HIBADH: variants seen among roughly 807,000 people sequenced by gnomAD.
HIBADH encodes the protein 3-hydroxyisobutyrate dehydrogenase, mitochondrial.
HIBADH carries 25 observed loss-of-function variants against 36.1 expected under a neutral mutation model. That is an observed-to-expected ratio of 0.69 (90% confidence interval 0.50 to 0.97). The LOEUF (loss-of-function observed/expected upper bound fraction) is 0.97. Among genes scored for constraint, HIBADH ranks in the 50% least tolerant of loss-of-function variants. The pLI is 0.00. For synonymous variants in HIBADH, 160 were observed against 149.5 expected, an observed-to-expected ratio of 1.07 and a Z score of -0.51; for missense variants, 421 against 418.0, an observed-to-expected ratio of 1.01 and a Z score of -0.06.
chr7:27,579,682 G>A (rs577839445), intron 4 of HIBADH, among the ~76,000 whole-genome samples: 1 of 152,314 alleles, frequency 6.6e-6, no homozygotes, highest in East Asian at 1.9e-4. Context: ...TAGTGGCTCT[G>A]AGTTTGCCCT....
Position 27,649,519 on chromosome 7 carries a change from T to A in HIBADH, c.206A>T (p.Asp69Val), listed in dbSNP as rs753791843. 1 of 1,613,936 alleles carries A rather than the reference T, an allele frequency of 6.2e-7. No homozygotes were observed. Among genetic ancestry groups the A allele is most frequent in the East Asian group, 2.2e-5 (1 of 44,866 alleles). ...CTCTTTGCAGGCATCAGGGAACACATCATAAATAATAAGTGGATAGCCATG... is the reference window on the plus strand; with the variant it reads ...CTCTTTGCAGGCATCAGGGAACACAACATAAATAATAAGTGGATAGCCATG... ...MKHGYPLIIYDVFPDACKEFQ... is the reference protein window; with the variant it reads ...MKHGYPLIIYVVFPDACKEFQ... Residue 69 changes from aspartate to valine, a missense_variant, in exon 2 of 8, where the codon GAT becomes GTT. Physicochemically the swap from Asp to Val is radical, Grantham distance 152. Coordinates refer to ENST00000265395, the MANE Select transcript of HIBADH (RefSeq NM_152740.4).
intron 1 of HIBADH, among the ~76,000 whole-genome samples, chr7:27,657,570 C>A (rs1425155090): frequency 6.6e-6 from 1 of 151,960 alleles, no homozygotes; most frequent in African/African-American, 2.4e-5. Context: ...AAGTTAAGAA[C>A]AATGAGGCCA....
At chr7:27,654,672 ATGGATATG>A (rs1430729423) in intron 1 of HIBADH, among the ~76,000 whole-genome samples, 2 of 145,524 alleles carry the variant, frequency 1.4e-5, no homozygotes, top group Non-Finnish European at 3.0e-5. Context: ...GGGTATGATG[ATGGATATG>A]TTTACCATTT....
At chr7:27,634,975 C>A (rs1785811673) in intron 2 of HIBADH, among the ~76,000 whole-genome samples, 2 of 152,188 alleles carry the variant, frequency 1.3e-5, no homozygotes, top group South Asian at 4.1e-4. Context: ...AGCTCACAGG[C>A]CCGGAAGAAA....
chr7:27,621,633 A>C (rs1246367990), intron 4 of HIBADH, among the ~76,000 whole-genome samples: 1 of 152,008 alleles, frequency 6.6e-6, no homozygotes, highest in African/African-American at 2.4e-5. Context: ...CTTTACTAAA[A>C]ATACAAAAAT....
chr7:27,651,704 T>C (rs1786198840), intron 1 of HIBADH, among the ~76,000 whole-genome samples: 1 of 152,166 alleles, frequency 6.6e-6, no homozygotes. Context: ...ATTCACAAAT[T>C]CAACAAACAC....
chr7:27,549,660 T>C (rs1337233430), intron 4 of HIBADH, among the ~76,000 whole-genome samples: 1 of 152,200 alleles, frequency 6.6e-6, no homozygotes, highest in Non-Finnish European at 1.5e-5. Flanking sequence ...AGTGACCTTT[T>C]TTCCCAAGAT....
At chr7:27,550,715 T>C (rs1784306206) in intron 4 of HIBADH, among the ~76,000 whole-genome samples, 1 of 152,186 alleles carries the variant, frequency 6.6e-6, no homozygotes, top group Non-Finnish European at 1.5e-5. Context: ...ACTACTCTAA[T>C]CAATGATTTT....
At chr7:27,574,603 C>T (rs1330296734) in intron 4 of HIBADH, among the ~76,000 whole-genome samples, 1 of 152,072 alleles carries the variant, frequency 6.6e-6, no homozygotes, top group Admixed American at 6.6e-5. Context: ...TTTATTATTG[C>T]TGCTCTAATA....
At chr7:27,614,096 T>C (rs2128292378) in intron 4 of HIBADH, among the ~76,000 whole-genome samples, 1 of 152,344 alleles carries the variant, frequency 6.6e-6, no homozygotes, top group East Asian at 1.9e-4. Context: ...ATTAAACTGG[T>C]AATGAGGAGT....
At chr7:27,602,644 G>C (rs1785149969) in intron 4 of HIBADH, among the ~76,000 whole-genome samples, 2 of 152,012 alleles carry the variant, frequency 1.3e-5, no homozygotes, top group African/African-American at 2.4e-5. Context: ...ACTTAAAACT[G>C]GGTATCTTCA....
chr7:27,613,382 CAGAT>C (rs1448630149), intron 4 of HIBADH, among the ~76,000 whole-genome samples: 2 of 145,452 alleles, frequency 1.4e-5, no homozygotes, highest in Non-Finnish European at 3.0e-5. Context: ...GATAGATAGA[CAGAT>C]AAAGCACAAC....
At chr7:27,530,957 TAC>T (rs530391725) in intron 7 of HIBADH, among the ~76,000 whole-genome samples, 230 of 151,320 alleles carry the variant, frequency 1.5e-3, no homozygotes, top group Non-Finnish European at 1.6e-3. Context: ...CGCACACACA[TAC>T]ACACACACAC....
intron 4 of HIBADH, among the ~76,000 whole-genome samples, chr7:27,579,170 T>C (rs1268306393): frequency 6.6e-6 from 1 of 152,196 alleles, no homozygotes; most frequent in Non-Finnish European, 1.5e-5. Flanking sequence ...ATATGGGTTA[T>C]ATATTAGATG....
intron 1 of HIBADH, among the ~76,000 whole-genome samples, chr7:27,653,868 A>G (rs925988187): frequency 7.9e-5 from 12 of 152,256 alleles, no homozygotes; most frequent in African/African-American, 1.2e-4. Flanking sequence ...CCAGATGAGT[A>G]TGAAGAGGCT....
intron 4 of HIBADH, among the ~76,000 whole-genome samples, chr7:27,580,453 G>T (rs1288478148): frequency 1.3e-5 from 2 of 152,132 alleles, no homozygotes; most frequent in Non-Finnish European, 2.9e-5. Flanking sequence ...GCATAAAAAT[G>T]CTAGGAAAAG....
intron 1 of HIBADH, among the ~76,000 whole-genome samples, chr7:27,653,135 G>GA (rs1190796268): frequency 1.6e-3 from 235 of 146,768 alleles, no homozygotes; most frequent in Non-Finnish European, 1.6e-3. Context: ...TCTCAAAAAA[G>GA]AAAAAAAAAG....
chr7:27,600,705 G>C (rs545119113), intron 4 of HIBADH, among the ~76,000 whole-genome samples: 2 of 152,094 alleles, frequency 1.3e-5, no homozygotes, highest in South Asian at 4.2e-4. Context: ...GAAATGAAAA[G>C]GTCTTCAGAC....
intron 4 of HIBADH, among the ~76,000 whole-genome samples, chr7:27,580,675 T>C (rs1412264259): frequency 6.6e-6 from 1 of 152,204 alleles, no homozygotes; most frequent in Non-Finnish European, 1.5e-5. Context: ...AACACAAGAC[T>C]GAGTGCCTAC....
Sources: allele counts gnomAD v4.1 joint callset (sites outside exome capture counted in the v4.1 genomes callset), GRCh38; gene constraint gnomAD v4.1.1; transcripts MANE v1.5; gene names NCBI Gene and HGNC (gene_info 2026-07-23, HGNC 2026-07-21).